Variants in ASCL5 observed in about 807,000 individuals in gnomAD.
ASCL5 encodes the protein achaete-scute homolog 5.
For missense variants in ASCL5, 262 were observed against 268.9 expected, an observed-to-expected ratio of 0.97 and a Z score of 0.18; for synonymous variants, 124 against 131.5, an observed-to-expected ratio of 0.94 and a Z score of 0.39.
At chr1:201,121,377 TG>T (rs899788639) in intron 1 of ASCL5, among the ~76,000 whole-genome samples, 2 of 152,064 alleles carry the variant, frequency 1.3e-5, no homozygotes, top group African/African-American at 4.8e-5. Context: ...GAGGCCGAGG[TG>T]GGGGGATCGC....
intron 1 of ASCL5, among the ~76,000 whole-genome samples, chr1:201,121,645 T>TAATGA (rs1255779692): frequency 6.6e-6 from 1 of 152,114 alleles, no homozygotes; most frequent in Non-Finnish European, 1.5e-5. Flanking sequence ...TCTGCATACT[T>TAATGA]TAGTAGAGAC....
In ASCL5 at chr1:201,115,264, C is replaced by G. The variant is rs1663315112; in HGVS notation, c.109G>C (p.Ala37Pro). ...AAGGGCACGTTGCCCAGGGGCTCGG[C>G]GGGGGGCAGGGGCGCCTGCCGGGGA... is the stretch of plus-strand genomic sequence containing the variant. ...PPPRQAPLPP[A>P]EPLGNVPFLL... is the part of the protein sequence containing the mutation. Residue 37 changes from alanine (A) to proline (P), a missense_variant, in exon 2 of 2, where the codon GCC becomes CCC. Transcript: ENST00000449188. 1.4e-5 allele frequency: 16 copies of G among 1,143,252 alleles called. No individual in the cohort carries two copies. Among genetic ancestry groups the G allele is most frequent in the Non-Finnish European group, 1.6e-5 (15 of 935,698 alleles). The allele number at this position is 1,143,252 out of a possible 1,614,324, so 70.8% of individuals were successfully genotyped here.
intron 1 of ASCL5, among the ~76,000 whole-genome samples, chr1:201,125,169 C>T (rs1470760352): frequency 3.9e-5 from 6 of 152,312 alleles, no homozygotes; most frequent in Admixed American, 3.9e-4. Context: ...AGAGTAACAG[C>T]ACTCACTTCC....
chr1:201,121,657 C>T (rs1663465646), intron 1 of ASCL5, among the ~76,000 whole-genome samples: 1 of 151,996 alleles, frequency 6.6e-6, no homozygotes, highest in Admixed American at 6.5e-5. Flanking sequence ...AGTAGAGACC[C>T]TATCTCTACT....
At chr1:201,121,735 G>A (rs1663467231) in intron 1 of ASCL5, among the ~76,000 whole-genome samples, 1 of 152,046 alleles carries the variant, frequency 6.6e-6, no homozygotes, top group Admixed American at 6.5e-5. Context: ...GGAGGCTGAG[G>A]TGGGAGGATC....
At position 201,114,681 on chromosome 1, in the gene ASCL5, C is replaced by CTCCCGCTGCTCCCGAAAGTG; in HGVS notation, c.*51_*70dup. On this transcript the variant is annotated 3_prime_UTR_variant, in exon 2 of 2. Coordinates refer to ENST00000449188, the MANE Select transcript of ASCL5 (RefSeq NM_001270601.2). ...GGCGCATCGCGGGTGACCCAACAGCCTCCCGCTGCTCCCGAAAGTGGGACG... is the reference window on the plus strand; with the variant it reads ...GGCGCATCGCGGGTGACCCAACAGCCTCCCGCTGCTCCCGAAAGTGTCCCGCTGCTCCCGAAAGTGGGACG... 8.2e-7 allele frequency: 1 copy of CTCCCGCTGCTCCCGAAAGTG among 1,212,604 alleles called. No homozygotes were observed. The highest frequency in any genetic ancestry group is 1.0e-6 in the Non-Finnish European group (1 of 972,040). The allele number at this position is 1,212,604 out of a possible 1,614,324, so 75.1% of individuals were successfully genotyped here.
At chr1:201,125,233 T>C (rs1335022847) in intron 1 of ASCL5, among the ~76,000 whole-genome samples, 1 of 152,210 alleles carries the variant, frequency 6.6e-6, no homozygotes, top group Non-Finnish European at 1.5e-5. Context: ...CTGGCACGCT[T>C]CGTGGCTGGG....
At chr1:201,118,972 C>T (rs1212770324) in intron 1 of ASCL5, among the ~76,000 whole-genome samples, 2 of 152,182 alleles carry the variant, frequency 1.3e-5, no homozygotes, top group Admixed American at 1.3e-4. Context: ...CCACCTCTTC[C>T]CTCAGTATTT....
rs371163849 is a variant in ASCL5 at position 201,115,153 on chromosome 1, C to CG, written c.219dup (p.Gly74ArgfsTer43). The CG allele has an allele frequency of 8.1e-7, 1 of 1,231,656 alleles. No individual in the cohort carries two copies. Among genetic ancestry groups the CG allele is most frequent in the East Asian group, 3.2e-5 (1 of 31,686 alleles). The allele number at this position is 1,231,656 out of a possible 1,614,324, so 76.3% of individuals were successfully genotyped here. A position where few individuals can be genotyped will look rare whatever the true frequency, so the allele number is the denominator to read the frequency against. On this transcript the variant is annotated frameshift_variant, in exon 2 of 2. Coordinates refer to ENST00000449188, the MANE Select transcript of ASCL5 (RefSeq NM_001270601.2). LOFTEE classifies it low-confidence loss of function (END_TRUNC). ...GGCTCGAAGGGGTATTCGTAGACCCCGAAGGCGCCGGGGAAGGGCACGTAG... is the reference window on the plus strand; with the variant it reads ...GGCTCGAAGGGGTATTCGTAGACCCCGGAAGGCGCCGGGGAAGGGCACGTAG...
intron 1 of ASCL5, among the ~76,000 whole-genome samples, chr1:201,120,817 GTCT>G (rs922712570): frequency 6.6e-5 from 10 of 152,320 alleles, no homozygotes; most frequent in Admixed American, 1.3e-4. Context: ...TGATTCCATA[GTCT>G]TCTTCTTCTC....
Position 201,121,808 on chromosome 1 carries a change from G to A in ASCL5, c.-506+5276C>T, listed in dbSNP as rs1445493984. Among the ~76,000 whole-genome samples, 3 of 150,960 alleles carry A rather than the reference G, an allele frequency of 2.0e-5. No homozygotes were observed. The East Asian group carries it at 5.8e-4, about 29-fold the overall frequency. ...ATTGCAGCACTGCACCCAGCTGGGTGACAGACTCAGACCCTGTCTCAAAAA... is the reference window on the plus strand; with the variant it reads ...ATTGCAGCACTGCACCCAGCTGGGTAACAGACTCAGACCCTGTCTCAAAAA... On this transcript the variant is annotated intron_variant, in intron 1 of 1. Coordinates refer to ENST00000449188, the MANE Select transcript of ASCL5 (RefSeq NM_001270601.2).
In ASCL5 at chr1:201,115,180, G is replaced by A. The variant is rs1034822742; in HGVS notation, c.193C>T (p.Pro65Ser). 3 of 1,231,548 alleles carry A rather than the reference G, an allele frequency of 2.4e-6. No homozygotes were observed. Among genetic ancestry groups the A allele is most frequent in the Admixed American group, 8.4e-5 (2 of 23,704 alleles). The allele number at this position is 1,231,548 out of a possible 1,614,324, so 76.3% of individuals were successfully genotyped here. ...PYYDAYAGVFPYVPFPGAFGV... is the reference protein window; with the variant it reads ...PYYDAYAGVFSYVPFPGAFGV... ...AAGGCGCCGGGGAAGGGCACGTAGG[G>A]GAACACCCCCGCATAGGCGTCGTAG... Residue 65 changes from proline to serine, a missense_variant, in exon 2 of 2, where the codon CCC (proline) becomes TCC (serine). Coordinates refer to ENST00000449188, the MANE Select transcript of ASCL5 (RefSeq NM_001270601.2).
At chr1:201,120,772 G>A (rs984520983) in intron 1 of ASCL5, among the ~76,000 whole-genome samples, 3 of 152,176 alleles carry the variant, frequency 2.0e-5, no homozygotes, top group African/African-American at 7.2e-5. Context: ...CTTTCAACAG[G>A]GAACCCATGG....
chr1:201,116,786 T>C (rs1173306949), intron 1 of ASCL5, among the ~76,000 whole-genome samples: 3 of 152,204 alleles, frequency 2.0e-5, no homozygotes, highest in African/African-American at 7.2e-5. Flanking sequence ...CCCTCTTGTG[T>C]GTGTCTACAG....
At chr1:201,124,195 A>G (rs978033080) in intron 1 of ASCL5, among the ~76,000 whole-genome samples, 3 of 152,230 alleles carry the variant, frequency 2.0e-5, no homozygotes, top group African/African-American at 7.2e-5. Flanking sequence ...GGTTCTGCAG[A>G]TGAAATCAGT....
chr1:201,121,724 A>G (rs372347277), intron 1 of ASCL5, among the ~76,000 whole-genome samples: 10 of 152,144 alleles, frequency 6.6e-5, no homozygotes, highest in Middle Eastern at 3.4e-3. Context: ...CCGGCTACTC[A>G]GGAGGCTGAG....
intron 1 of ASCL5, among the ~76,000 whole-genome samples, chr1:201,126,072 A>C (rs566921610): frequency 6.6e-6 from 1 of 152,184 alleles, no homozygotes; most frequent in Admixed American, 6.5e-5. Flanking sequence ...TTTACTAGGC[A>C]CCTTACCATG....
At chr1:201,125,438 T>C (rs1663561846) in intron 1 of ASCL5, among the ~76,000 whole-genome samples, 1 of 152,226 alleles carries the variant, frequency 6.6e-6, no homozygotes. Context: ...GAGTTGCTCC[T>C]TTCCGGGAGA....
chr1:201,122,279 C>G (rs1446558988), intron 1 of ASCL5, among the ~76,000 whole-genome samples: 1 of 152,228 alleles, frequency 6.6e-6, no homozygotes, highest in Non-Finnish European at 1.5e-5. Flanking sequence ...AGCAACCTGG[C>G]TGCATCCAGT....
Sources: allele counts gnomAD v4.1 joint callset (sites outside exome capture counted in the v4.1 genomes callset), GRCh38; gene constraint gnomAD v4.1.1; transcripts MANE v1.5; gene names NCBI Gene and HGNC (gene_info 2026-07-23, HGNC 2026-07-21).